The following RALYL variants were observed in gnomAD, a reference collection of about 807,000 sequenced individuals.
RALYL encodes RNA-binding Raly-like protein.
Under a neutral mutation model 35.1 loss-of-function variants are expected in RALYL, and 29 were observed. The ratio of observed to expected loss-of-function variants is 0.83; its 90% CI spans 0.61 to 1.13. The LOEUF (loss-of-function observed/expected upper bound fraction) is 1.13. Among genes scored for constraint, RALYL ranks in the 50% most tolerant of loss-of-function variants. The pLI is 0.00. For missense variants in RALYL, 359 were observed against 360.4 expected (o/e 1.00, Z 0.03); for synonymous variants, 120 against 127.6 (o/e 0.94, Z 0.40).
chr8:84,590,438 G>A (rs187465295), intron 2 of RALYL, among the ~76,000 whole-genome samples: 31 of 152,246 alleles, frequency 2.0e-4, no homozygotes, highest in African/African-American at 7.0e-4. Flanking sequence ...TATAATAGCA[G>A]AACTGAAAAC....
intron 2 of RALYL, among the ~76,000 whole-genome samples, chr8:84,652,219 G>A (rs982753911): frequency 3.3e-5 from 5 of 152,044 alleles, no homozygotes; most frequent in Non-Finnish European, 4.4e-5. Flanking sequence ...ATCAAACTTA[G>A]CATTTTAAAT....
chr8:84,330,049 G>GTGTA (rs1438630866), intron 1 of RALYL, among the ~76,000 whole-genome samples: 2 of 150,886 alleles, frequency 1.3e-5, no homozygotes, highest in African/African-American at 4.9e-5. Context: ...AAATAAAAAT[G>GTGTA]TGTATCTCAA....
chr8:84,835,342 G>A (rs1387180166), intron 4 of RALYL, among the ~76,000 whole-genome samples: 1 of 151,922 alleles, frequency 6.6e-6, no homozygotes, highest in Middle Eastern at 3.2e-3. Context: ...TTATAATGGG[G>A]GAAGATGTGG....
chr8:84,741,536 A>C (rs936636102), intron 2 of RALYL, among the ~76,000 whole-genome samples: 1 of 152,012 alleles, frequency 6.6e-6, no homozygotes, highest in Admixed American at 6.6e-5. Context: ...AAGAGAAACT[A>C]AAGGGTAAAA....
intron 8 of RALYL, among the ~76,000 whole-genome samples, chr8:84,920,156 T>C (rs1439045432): frequency 2.6e-5 from 4 of 152,140 alleles, no homozygotes; most frequent in Non-Finnish European, 5.9e-5. Context: ...ACAGATTTTC[T>C]ATCTAACCCC....
intron 2 of RALYL, among the ~76,000 whole-genome samples, chr8:84,561,816 A>G (rs2061486646): frequency 6.6e-6 from 1 of 151,966 alleles, no homozygotes; most frequent in African/African-American, 2.4e-5. Flanking sequence ...GTGAGATCTC[A>G]TCAGGCTACT....
intron 1 of RALYL, among the ~76,000 whole-genome samples, chr8:84,234,059 A>G (rs1004023357): frequency 3.3e-5 from 5 of 151,932 alleles, no homozygotes; most frequent in African/African-American, 1.2e-4. Flanking sequence ...TCTTTTACCT[A>G]TTTATCTTTT....
At chr8:84,569,997 G>A (rs1015992534) in intron 2 of RALYL, among the ~76,000 whole-genome samples, 2 of 151,854 alleles carry the variant, frequency 1.3e-5, no homozygotes, top group African/African-American at 2.4e-5. Context: ...TAGCCTTGTA[G>A]TATGAATTGA....
At chr8:84,404,834 C>T (rs965775275) in intron 1 of RALYL, among the ~76,000 whole-genome samples, 1 of 152,050 alleles carries the variant, frequency 6.6e-6, no homozygotes, top group Admixed American at 6.6e-5. Context: ...CTATTAATTA[C>T]TGCTTCAATT....
rs201430149 is a variant in RALYL, at chr8:84,673,121, A to G, written c.257-101458A>G. On this transcript the variant is annotated intron_variant, in intron 2 of 8. Transcript: ENST00000521268. ...TGATTTTGATTTGCATTTAATGATC[A>G]GTGATGTTAAGCTTTTTTTCATATG... 7.9e-5 allele frequency among the ~76,000 whole-genome samples: 12 copies of G among 152,258 alleles called. No individual in the cohort carries two copies. In the East Asian group the frequency reaches 2.3e-3, roughly 29 times the overall value.
intron 2 of RALYL, among the ~76,000 whole-genome samples, chr8:84,578,736 G>A (rs983876015): frequency 6.6e-6 from 1 of 152,172 alleles, no homozygotes; most frequent in African/African-American, 2.4e-5. Context: ...TCCTTTCACA[G>A]GCAAGCTGTC....
intron 1 of RALYL, among the ~76,000 whole-genome samples, chr8:84,489,853 A>G (rs1014180974): frequency 2.0e-5 from 3 of 152,116 alleles, no homozygotes; most frequent in African/African-American, 4.8e-5. Context: ...GGCCATTTAG[A>G]GAGCACAAGT....
At chr8:84,395,455 TTTG>T (rs1181162361) in intron 1 of RALYL, among the ~76,000 whole-genome samples, 3 of 152,024 alleles carry the variant, frequency 2.0e-5, no homozygotes, top group East Asian at 1.9e-4. Context: ...TGATCAAATA[TTTG>T]TTATCTTTTT....
intron 7 of RALYL, among the ~76,000 whole-genome samples, chr8:84,882,455 G>A (rs1005368154): frequency 2.0e-5 from 3 of 152,002 alleles, no homozygotes; most frequent in East Asian, 1.9e-4. Context: ...CATGTAGAAT[G>A]TGGCAACGAG....
At chr8:84,804,471 T>G (rs1824114727) in intron 3 of RALYL, among the ~76,000 whole-genome samples, 1 of 152,008 alleles carries the variant, frequency 6.6e-6, no homozygotes, top group Non-Finnish European at 1.5e-5. Context: ...ATAAAGAAAA[T>G]GAGTAGATAC....
At chr8:84,843,059 G>C (rs2134635904) in intron 4 of RALYL, among the ~76,000 whole-genome samples, 1 of 152,284 alleles carries the variant, frequency 6.6e-6, no homozygotes, top group South Asian at 2.1e-4. Flanking sequence ...ACTGGCACAA[G>C]ACAGGGATGC....
chr8:84,510,967 G>A (rs1462397726), intron 1 of RALYL, among the ~76,000 whole-genome samples: 1 of 151,972 alleles, frequency 6.6e-6, no homozygotes, highest in Non-Finnish European at 1.5e-5. Context: ...ACTTATTTTG[G>A]AATATACAAT....
intron 1 of RALYL, among the ~76,000 whole-genome samples, chr8:84,394,516 A>G (rs1355412149): frequency 2.0e-5 from 3 of 152,092 alleles, no homozygotes; most frequent in Non-Finnish European, 4.4e-5. Flanking sequence ...TTTGTTTAAT[A>G]TAAGGTGATT....
At chr8:84,384,325 A>T (rs1313282097) in intron 1 of RALYL, among the ~76,000 whole-genome samples, 1 of 151,744 alleles carries the variant, frequency 6.6e-6, no homozygotes, top group Non-Finnish European at 1.5e-5. Flanking sequence ...CATCATTATG[A>T]TTATACTGTC....
Sources: allele counts gnomAD v4.1 joint callset (sites outside exome capture counted in the v4.1 genomes callset), GRCh38; gene constraint gnomAD v4.1.1; transcripts MANE v1.5; gene names NCBI Gene and HGNC (gene_info 2026-07-23, HGNC 2026-07-21).